The following DIAPH2 variants were observed in gnomAD, a reference collection of about 807,000 sequenced individuals.
DIAPH2 encodes the protein diaphanous related formin 2, also known as protein diaphanous homolog 2.
DIAPH2 carries 35 observed loss-of-function variants against 92.7 expected under a neutral mutation model. That is an observed-to-expected ratio of 0.38 (90% CI 0.29 to 0.50). The LOEUF (loss-of-function observed/expected upper bound fraction) is 0.50. DIAPH2 is among the 20% of genes least tolerant of loss of function. The probability of loss-of-function intolerance (pLI) is 0.94; values close to 1 mark genes in which losing one functional copy is unlikely to be tolerated. For missense variants in DIAPH2, 701 were observed against 819.5 expected, an observed-to-expected ratio of 0.86 and a Z score of 1.77; for synonymous variants, 301 against 280.4, an observed-to-expected ratio of 1.07 and a Z score of -0.73.
chrX:96,708,246 A>AT (rs761334810), intron 1 of DIAPH2, among the ~76,000 whole-genome samples: 4,031 of 36,025 alleles, frequency 0.11, 263 homozygotes, highest in African/African-American at 0.23. Flanking sequence ...CACCCAGATC[A>AT]TTTTTTTTTT....
chrX:97,589,833 C>T (rs2071505616), intron 26 of DIAPH2, among the ~76,000 whole-genome samples: 1 of 112,159 alleles, frequency 8.9e-6, no homozygotes, highest in Admixed American at 9.5e-5. Flanking sequence ...TTGTGTTAGA[C>T]ACTAGAAATA....
chrX:97,119,163 G>A (rs1248898971), intron 21 of DIAPH2, among the ~76,000 whole-genome samples: 1 of 110,893 alleles, frequency 9.0e-6, no homozygotes, highest in Non-Finnish European at 1.9e-5. Context: ...TGGTTTTCTG[G>A]TTCCTTCTCA....
intron 4 of DIAPH2, among the ~76,000 whole-genome samples, chrX:96,776,359 C>T (rs1283092708): frequency 5.5e-5 from 6 of 109,511 alleles, no homozygotes; most frequent in East Asian, 2.9e-4. Flanking sequence ...TACAGGTGTG[C>T]GCCACCACAC....
intron 5 of DIAPH2, among the ~76,000 whole-genome samples, chrX:96,908,338 T>G (rs1276455001): frequency 9.0e-6 from 1 of 111,107 alleles, no homozygotes; most frequent in African/African-American, 3.3e-5. Flanking sequence ...TTCTGTTTGG[T>G]TCTTCATTAT....
chrX:96,915,638 G>A, intron 7 of DIAPH2, among the ~76,000 whole-genome samples: 2 of 111,546 alleles, frequency 1.8e-5, no homozygotes, highest in Middle Eastern at 4.6e-3. Flanking sequence ...ACTGTAAAAT[G>A]AAGCAAAAAT....
chrX:97,229,435 CACAG>C (rs1420334830), intron 22 of DIAPH2, among the ~76,000 whole-genome samples: 1 of 111,469 alleles, frequency 9.0e-6, no homozygotes, highest in Non-Finnish European at 1.9e-5. Flanking sequence ...AATTGCAATG[CACAG>C]ACAAAGGTGG....
intron 22 of DIAPH2, among the ~76,000 whole-genome samples, chrX:97,203,446 G>T (rs1000680860): frequency 9.0e-6 from 1 of 111,384 alleles, no homozygotes; most frequent in African/African-American, 3.3e-5. Context: ...AAGAAGAAAA[G>T]AGAGAAGAAT....
chrX:97,439,434 G>A (rs1255978676), intron 26 of DIAPH2, among the ~76,000 whole-genome samples: 2 of 110,664 alleles, frequency 1.8e-5, no homozygotes, highest in Non-Finnish European at 3.8e-5. Flanking sequence ...TTAGCTGGGC[G>A]TGGTGGCACG....
chrX:97,530,117 A>C (rs1331557496), intron 26 of DIAPH2, among the ~76,000 whole-genome samples: 1 of 112,132 alleles, frequency 8.9e-6, no homozygotes, highest in African/African-American at 3.2e-5. Context: ...AGAGAGGAAA[A>C]CATTGAGGGC....
intron 4 of DIAPH2, among the ~76,000 whole-genome samples, chrX:96,799,547 C>T (rs774573262): frequency 1.8e-5 from 2 of 112,191 alleles, no homozygotes; most frequent in Non-Finnish European, 3.8e-5. Context: ...CAGTGGCTCA[C>T]GCCTATAATC....
intron 21 of DIAPH2, among the ~76,000 whole-genome samples, chrX:97,116,754 A>G (rs1569305075): frequency 8.9e-6 from 1 of 112,416 alleles, no homozygotes; most frequent in Admixed American, 9.4e-5. Flanking sequence ...GTACCTTATA[A>G]GTGTCTTAAT....
At chrX:97,179,658 C>T (rs1045452219) in intron 22 of DIAPH2, among the ~76,000 whole-genome samples, 2 of 111,867 alleles carry the variant, frequency 1.8e-5, no homozygotes, top group Admixed American at 1.9e-4. Flanking sequence ...GTAAATAGTG[C>T]TGCAGTAAAC....
At chrX:97,454,508 A>C (rs2070385696) in intron 26 of DIAPH2, among the ~76,000 whole-genome samples, 1 of 111,510 alleles carries the variant, frequency 9.0e-6, no homozygotes, top group Non-Finnish European at 1.9e-5. Context: ...CTTCCTTCAC[A>C]TTTTTTACAA....
intron 21 of DIAPH2, among the ~76,000 whole-genome samples, chrX:97,137,430 C>A (rs987952459): frequency 1.9e-5 from 2 of 105,970 alleles, no homozygotes; most frequent in African/African-American, 3.5e-5. Flanking sequence ...ACCATGGATT[C>A]AAAAATATTA....
chrX:97,524,208 G>A (rs2071009454), intron 26 of DIAPH2, among the ~76,000 whole-genome samples: 1 of 111,966 alleles, frequency 8.9e-6, no homozygotes, highest in Non-Finnish European at 1.9e-5. Context: ...ACTCTCCAGT[G>A]CCTAGAACAG....
intron 24 of DIAPH2, among the ~76,000 whole-genome samples, chrX:97,350,181 G>T (rs1229104312): frequency 9.1e-6 from 1 of 110,208 alleles, no homozygotes; most frequent in African/African-American, 3.3e-5. Context: ...GTGGTGGCGG[G>T]TGCCTGTAAT....
chrX:96,807,271 A>G (rs1484404035), intron 4 of DIAPH2, among the ~76,000 whole-genome samples: 4 of 111,910 alleles, frequency 3.6e-5, no homozygotes, highest in African/African-American at 1.3e-4. Flanking sequence ...TTTCAGTGTT[A>G]AAGAGGAATC....
intron 22 of DIAPH2, among the ~76,000 whole-genome samples, chrX:97,242,813 G>T (rs904944139): frequency 1.8e-5 from 2 of 109,869 alleles, no homozygotes; most frequent in Non-Finnish European, 3.8e-5. Context: ...TTGAGGTGGA[G>T]TCTTGTTCTG....
At chrX:97,594,443 A>T (rs1410862488) in intron 26 of DIAPH2, among the ~76,000 whole-genome samples, 1 of 112,824 alleles carries the variant, frequency 8.9e-6, no homozygotes, top group Non-Finnish European at 1.9e-5. Flanking sequence ...ATATGAGATG[A>T]TTTCAGTATA....
Sources: allele counts gnomAD v4.1 joint callset (sites outside exome capture counted in the v4.1 genomes callset), GRCh38; gene constraint gnomAD v4.1.1; transcripts MANE v1.5; gene names NCBI Gene and HGNC (gene_info 2026-07-23, HGNC 2026-07-21).